RANBP9: variants seen among roughly 807,000 people sequenced by gnomAD.
RANBP9 encodes ran-binding protein 9.
Under a neutral mutation model 84.3 loss-of-function variants are expected in RANBP9, and 15 were observed. The ratio of observed to expected loss-of-function variants is 0.18; its 90% CI spans 0.12 to 0.27. RANBP9 has a LOEUF of 0.27. Ranked by LOEUF, RANBP9 falls within the 10% of genes least tolerant of loss-of-function variation. The probability of loss-of-function intolerance (pLI) is 1.00; values close to 1 mark genes in which losing one functional copy is unlikely to be tolerated. For missense variants in RANBP9, 809 were observed against 912.8 expected, an observed-to-expected ratio of 0.89 and a Z score of 1.46; for synonymous variants, 392 against 349.6, an observed-to-expected ratio of 1.12 and a Z score of -1.35.
chr6:13,705,565 T>C (rs1044408428), intron 1 of RANBP9, among the ~76,000 whole-genome samples: 1 of 151,820 alleles, frequency 6.6e-6, no homozygotes, highest in African/African-American at 2.4e-5. Flanking sequence ...TCCTTCATTT[T>C]AAGGAACATT....
At chr6:13,659,796 A>G (rs914698660) in intron 2 of RANBP9, among the ~76,000 whole-genome samples, 2 of 152,334 alleles carry the variant, frequency 1.3e-5, no homozygotes, top group East Asian at 3.9e-4. Flanking sequence ...AGCAAGCAAG[A>G]TATTCAACAG....
At chr6:13,630,721 A>T (rs1452137745) in intron 12 of RANBP9, among the ~76,000 whole-genome samples, 1 of 152,186 alleles carries the variant, frequency 6.6e-6, no homozygotes, top group African/African-American at 2.4e-5. Flanking sequence ...GGCACAAGAC[A>T]TGTGATACCA....
At chr6:13,672,644 A>C (rs1477137959) in intron 2 of RANBP9, among the ~76,000 whole-genome samples, 1 of 152,166 alleles carries the variant, frequency 6.6e-6, no homozygotes. Context: ...AAAAATTGCA[A>C]GGCATGTAAC....
chr6:13,678,801 T>C (rs1765958201), intron 2 of RANBP9, among the ~76,000 whole-genome samples: 1 of 152,162 alleles, frequency 6.6e-6, no homozygotes, highest in African/African-American at 2.4e-5. Context: ...ATAAAATTCT[T>C]CCTTCTAAGC....
chr6:13,691,201 T>C (rs939517766), intron 2 of RANBP9, among the ~76,000 whole-genome samples: 5 of 151,578 alleles, frequency 3.3e-5, no homozygotes, highest in Non-Finnish European at 2.9e-5. Context: ...GATAAAGTGA[T>C]TTAATTTTTC....
chr6:13,711,578 C>A lies in RANBP9; in HGVS notation c.-73G>T, dbSNP rs2059223466. The A allele has an allele frequency of 1.7e-6, 2 of 1,210,960 alleles. No individual in the cohort carries two copies. Among genetic ancestry groups the A allele is most frequent in the South Asian group, 7.2e-5 (2 of 27,808 alleles). The allele number at this position is 1,210,960 out of a possible 1,614,324, so 75.0% of individuals were successfully genotyped here. A position where few individuals can be genotyped will look rare whatever the true frequency, so the allele number is the denominator to read the frequency against. ...CTCCTCTGCTTCCCGGGGGCGCTGT[C>A]GCTGCGGCCGCCGGCACCAGGCGCC... On this transcript the variant is annotated 5_prime_UTR_variant, in exon 1 of 14. Transcript: ENST00000011619.
intron 2 of RANBP9, among the ~76,000 whole-genome samples, chr6:13,678,294 A>G (rs1236126817): frequency 2.0e-5 from 3 of 152,248 alleles, no homozygotes; most frequent in Non-Finnish European, 4.4e-5. Context: ...TATGGTTCTC[A>G]AAGATTATTA....
At chr6:13,634,309 G>T in intron 11 of RANBP9, 122 bp downstream of exon 11, 2 of 1,231,204 alleles carry the variant, frequency 1.6e-6, no homozygotes, top group Non-Finnish European at 2.2e-6. Context: ...TTACTGTCAA[G>T]TCCTACAGCA....
At chr6:13,702,608 C>T (rs1009619332) in intron 1 of RANBP9, among the ~76,000 whole-genome samples, 7 of 152,038 alleles carry the variant, frequency 4.6e-5, no homozygotes, top group Non-Finnish European at 1.0e-4. Context: ...ACAATACTTT[C>T]CAAAGGAATT....
At chr6:13,682,114 G>A (rs923299627) in intron 2 of RANBP9, among the ~76,000 whole-genome samples, 3 of 151,814 alleles carry the variant, frequency 2.0e-5, no homozygotes, top group Non-Finnish European at 2.9e-5. Flanking sequence ...CTCCCACCTC[G>A]GCCTCTTAAA....
chr6:13,655,017 T>C (rs1450498461), intron 4 of RANBP9, among the ~76,000 whole-genome samples: 2 of 152,226 alleles, frequency 1.3e-5, no homozygotes, highest in Non-Finnish European at 1.5e-5. Context: ...GGCACAGAAA[T>C]GTTAAGTAAT....
intron 10 of RANBP9, among the ~76,000 whole-genome samples, chr6:13,636,870 T>C (rs1342016842): frequency 6.6e-6 from 1 of 152,160 alleles, no homozygotes; most frequent in Non-Finnish European, 1.5e-5. Context: ...GATTTTTTTT[T>C]ACATACAATC....
intron 2 of RANBP9, among the ~76,000 whole-genome samples, chr6:13,660,453 G>C (rs943759289): frequency 2.2e-4 from 33 of 152,264 alleles, no homozygotes; most frequent in Non-Finnish European, 3.8e-4. Context: ...AGGCTGCAGT[G>C]AGACATGAAT....
intron 2 of RANBP9, among the ~76,000 whole-genome samples, chr6:13,682,456 ATT>A (rs1235977594): frequency 2.0e-5 from 3 of 148,126 alleles, no homozygotes; most frequent in Admixed American, 1.3e-4. Flanking sequence ...TTAATACATA[ATT>A]TTTTTTTTTA....
At chr6:13,695,195 T>C (rs1455857054) in intron 2 of RANBP9, among the ~76,000 whole-genome samples, 1 of 152,104 alleles carries the variant, frequency 6.6e-6, no homozygotes, top group African/African-American at 2.4e-5. Flanking sequence ...AACTCAGTTT[T>C]TTATTACTAA....
At chr6:13,678,984 G>C (rs892639516) in intron 2 of RANBP9, among the ~76,000 whole-genome samples, 6 of 151,948 alleles carry the variant, frequency 3.9e-5, no homozygotes, top group Non-Finnish European at 8.8e-5. Flanking sequence ...ATGGAACTGA[G>C]GTAAGAAACT....
At chr6:13,679,427 A>G (rs1379264131) in intron 2 of RANBP9, among the ~76,000 whole-genome samples, 3 of 152,304 alleles carry the variant, frequency 2.0e-5, no homozygotes, top group East Asian at 1.9e-4. Flanking sequence ...TCCTCTGACG[A>G]TTCTTTGTCG....
Position 13,698,558 on chromosome 6 carries a change from G to A in RANBP9, c.572-1662C>T, listed in dbSNP as rs148513498. Among the ~76,000 whole-genome samples, 507 of 152,256 alleles carry A rather than the reference G, an allele frequency of 3.3e-3. 2 individuals are homozygous for A. Among genetic ancestry groups the A allele is most frequent in the African/African-American group, 0.012 (493 of 41,538 alleles). ...AAAACTATCTAAACAAAATCTAACT[G>A]CAGTTCTAAATCCACTGATTTTTTA... On this transcript the variant is annotated intron_variant, in intron 1 of 13. Coordinates refer to ENST00000011619, the MANE Select transcript of RANBP9 (RefSeq NM_005493.3).
At chr6:13,645,073 C>A (rs771707860) in intron 5 of RANBP9, among the ~76,000 whole-genome samples, 1 of 152,068 alleles carries the variant, frequency 6.6e-6, no homozygotes, top group Non-Finnish European at 1.5e-5. Flanking sequence ...TACAGAAATT[C>A]AACTATAAAC....
Sources: allele counts gnomAD v4.1 joint callset (sites outside exome capture counted in the v4.1 genomes callset), GRCh38; gene constraint gnomAD v4.1.1; transcripts MANE v1.5; gene names NCBI Gene and HGNC (gene_info 2026-07-23, HGNC 2026-07-21).